The following RFC1 variants were observed in gnomAD, a reference collection of about 807,000 sequenced individuals.
RFC1 encodes the protein replication factor C subunit 1.
Under a neutral mutation model 137.4 loss-of-function variants are expected in RFC1, and 37 were observed. The observed-to-expected ratio is 0.27, with a 90% CI of 0.21 to 0.35. The LOEUF (loss-of-function observed/expected upper bound fraction) is 0.35, where lower values mean the gene tolerates loss of function less well. Ranked by LOEUF, RFC1 falls within the 10% of genes least tolerant of loss-of-function variation. RFC1 has a pLI of 1.00. For synonymous variants in RFC1, 429 were observed against 455.7 expected (o/e 0.94, Z 0.75); for missense variants, 1,205 against 1,358.5 (o/e 0.89, Z 1.78).
intron 21 of RFC1, among the ~76,000 whole-genome samples, chr4:39,296,522 A>G (rs1160254111): frequency 2.1e-5 from 3 of 144,184 alleles, no homozygotes; most frequent in African/African-American, 5.1e-5. Flanking sequence ...TTGTTCTTGC[A>G]ATAGTTTACT....
In RFC1 at chr4:39,337,435, A is replaced by AGATGCTACTCAAATAAGTGT. The variant is rs1553925751; in HGVS notation, c.331+4909_331+4910insACACTTATTTGAGTAGCATC. Among the ~76,000 whole-genome samples the AGATGCTACTCAAATAAGTGT allele has an allele frequency of 2.6e-3, 377 of 143,690 alleles. 14 individuals are homozygous for AGATGCTACTCAAATAAGTGT. In the East Asian group the frequency reaches 0.07, roughly 27 times the overall value. The allele number at this position is 143,690 out of a possible 152,430, so 94.3% of individuals were successfully genotyped here. A position where few individuals can be genotyped will look rare whatever the true frequency, so the allele number is the denominator to read the frequency against. On this transcript the variant is annotated intron_variant, in intron 4 of 24. Transcript: ENST00000349703. ...TTTACAATAAGATGCTACTCAAATA[A>AGATGCTACTCAAATAAGTGT]GTGTGTGTGTGTGTGTGTGTGTGTG... is the stretch of plus-strand genomic sequence containing the variant.
chr4:39,302,301 T>C lies in RFC1; in HGVS notation c.2512A>G (p.Arg838Gly). 2 of 1,611,396 alleles carry C rather than the reference T, an allele frequency of 1.2e-6. No individual in the cohort carries two copies. The highest frequency in any genetic ancestry group is 2.2e-5 in the East Asian group (1 of 44,846). The change falls in exon 19 of 25, where the codon AGA becomes GGA. Residue 838 changes from arginine to glycine, a missense_variant. Coordinates refer to ENST00000349703, the MANE Select transcript of RFC1 (RefSeq NM_002913.5). ...TYDQAKADSH[R>G]AKKDIKMGPF... The stretch of plus-strand genomic sequence containing the variant: ...ACCATTTTGATATCCTTTTTGGCTC[T>C]GTGAGAATCAGCTTTGGCCTGGTCA...
At chr4:39,318,604 A>G (rs557886569) in intron 9 of RFC1, among the ~76,000 whole-genome samples, 5 of 152,358 alleles carry the variant, frequency 3.3e-5, no homozygotes, top group African/African-American at 1.2e-4. Context: ...CTAACTTTAA[A>G]AAGTACAGTG....
chr4:39,311,599 T>G, intron 11 of RFC1, 50 bp from the exon 12 acceptor site: 1 of 1,421,950 alleles, frequency 7.0e-7, no homozygotes, highest in Non-Finnish European at 9.6e-7. Flanking sequence ...CATCCTACCA[T>G]TCCCTTCTCT....
chr4:39,350,454 T>G (rs1741130421), intron 2 of RFC1, among the ~76,000 whole-genome samples: 1 of 152,072 alleles, frequency 6.6e-6, no homozygotes, highest in Non-Finnish European at 1.5e-5. Flanking sequence ...ATAGTCAAAC[T>G]GCTGAAAACC....
chr4:39,349,230 T>A (rs1741063060), intron 2 of RFC1, among the ~76,000 whole-genome samples: 1 of 152,234 alleles, frequency 6.6e-6, no homozygotes, highest in East Asian at 1.9e-4. Flanking sequence ...AAGAAGGACA[T>A]AAATTCTGGG....
At chr4:39,290,456 C>T (rs1322958312) in intron 23 of RFC1, among the ~76,000 whole-genome samples, 1 of 152,096 alleles carries the variant, frequency 6.6e-6, no homozygotes, top group Admixed American at 6.6e-5. Context: ...ATCATGTTTA[C>T]CTATTCAGCA....
chr4:39,342,569 C>A, intron 3 of RFC1, 102 bp from the exon 4 acceptor site: 1 of 1,133,914 alleles, frequency 8.8e-7, no homozygotes, highest in Non-Finnish European at 1.3e-6. Flanking sequence ...AGGTCTTTTT[C>A]AAGGCACATG....
intron 9 of RFC1, among the ~76,000 whole-genome samples, chr4:39,319,911 C>T (rs989194867): frequency 6.6e-6 from 1 of 152,168 alleles, no homozygotes; most frequent in African/African-American, 2.4e-5. Flanking sequence ...CATCATGTTA[C>T]TCAGAAGAGT....
intron 9 of RFC1, among the ~76,000 whole-genome samples, chr4:39,318,693 G>C (rs1190476076): frequency 1.3e-5 from 2 of 152,178 alleles, no homozygotes; most frequent in Admixed American, 1.3e-4. Context: ...TAGTGTGCCT[G>C]AAGAAAACCA....
At chr4:39,314,073 C>T (rs1739114108) in intron 10 of RFC1, among the ~76,000 whole-genome samples, 1 of 152,180 alleles carries the variant, frequency 6.6e-6, no homozygotes, top group African/African-American at 2.4e-5. Context: ...TTAAAATGGG[C>T]TTGAAAAGCA....
chr4:39,305,423 A>T (rs571712426), intron 14 of RFC1, among the ~76,000 whole-genome samples: 1 of 152,224 alleles, frequency 6.6e-6, no homozygotes, highest in South Asian at 2.1e-4. Flanking sequence ...CCTGGCCAAC[A>T]TGGTGAAACC....
At chr4:39,350,885 A>C (rs900472440) in intron 2 of RFC1, among the ~76,000 whole-genome samples, 1 of 152,222 alleles carries the variant, frequency 6.6e-6, no homozygotes. Flanking sequence ...ACATCTATTT[A>C]AAGTAAAATT....
chr4:39,291,776 A>G lies in RFC1; in HGVS notation c.3031T>C (p.Ser1011Pro), dbSNP rs1737690687. Residue 1011 changes from serine to proline, a missense_variant, in exon 23 of 25, where the codon TCA (serine) becomes CCA (proline). Around this residue, in one of 3 missense-constraint regions of RFC1, gnomAD observed 237 missense variants for 304.2 expected, o/e 0.78. Coordinates refer to ENST00000349703, the MANE Select transcript of RFC1 (RefSeq NM_002913.5). ...LRDALVQPLTSQGVDGVQDVV... is the reference protein window; with the variant it reads ...LRDALVQPLTPQGVDGVQDVV... Reference sequence around the variant, plus strand: ...TCCTGTACTCCGTCTACTCCTTGTGAGGTCAAGGGCTGTACAAGTGCATCC... The same window carrying G: ...TCCTGTACTCCGTCTACTCCTTGTGGGGTCAAGGGCTGTACAAGTGCATCC... 7 of 1,613,624 alleles carry G rather than the reference A, an allele frequency of 4.3e-6. No individual in the cohort carries two copies. The highest frequency in any genetic ancestry group is 5.9e-6 in the Non-Finnish European group (7 of 1,179,620).
chr4:39,323,223 T>C, intron 7 of RFC1, 117 bp downstream of exon 7: 1 of 629,672 alleles, frequency 1.6e-6, no homozygotes, highest in Non-Finnish European at 2.4e-6. Context: ...TTTTATAAAA[T>C]AATTTAATTT....
At position 39,308,671 on chromosome 4, in the gene RFC1, T is replaced by C. The variant is rs140584118; in HGVS notation, c.1850A>G (p.Asn617Ser). ...CANKLLRWLR[N>S]WQKSSSEDKK... ...ATCTTCGGAAGAACTCTTTTGCCAG[T>C]TTCGGAGCCAGCGTAGGAGTTTGTT... Residue 617 changes from asparagine (N) to serine (S), a missense_variant, in exon 13 of 25, where the codon AAC (asparagine) becomes AGC (serine). Transcript: ENST00000349703. 1.9e-6 allele frequency: 3 copies of C among 1,612,324 alleles called. No individual in the cohort carries two copies. The highest frequency in any genetic ancestry group is 1.7e-6 in the Non-Finnish European group (2 of 1,179,394).
At chr4:39,347,215 T>G (rs981609102) in intron 2 of RFC1, among the ~76,000 whole-genome samples, 2 of 152,232 alleles carry the variant, frequency 1.3e-5, no homozygotes, top group African/African-American at 2.4e-5. Flanking sequence ...TGTTTTTGAA[T>G]GAGCTTAATA....
chr4:39,331,118 C>T (rs895779941), intron 4 of RFC1, among the ~76,000 whole-genome samples: 3 of 152,138 alleles, frequency 2.0e-5, no homozygotes, highest in African/African-American at 7.2e-5. Flanking sequence ...AATAATTACA[C>T]AATGATCATG....
chr4:39,353,263 C>T (rs971391651), intron 1 of RFC1, among the ~76,000 whole-genome samples: 10 of 151,748 alleles, frequency 6.6e-5, no homozygotes, highest in Admixed American at 3.3e-4. Flanking sequence ...TAGCCAGGCA[C>T]GGTGGTGCAT....
Sources: allele counts gnomAD v4.1 joint callset (sites outside exome capture counted in the v4.1 genomes callset), GRCh38; gene constraint gnomAD v4.1.1; regional missense constraint gnomAD v4.1.1; transcripts MANE v1.5; gene names NCBI Gene and HGNC (gene_info 2026-07-23, HGNC 2026-07-21).